Variants in PSPC1 observed in about 807,000 individuals in gnomAD.
PSPC1 encodes the protein paraspeckle protein 1.
Under a neutral mutation model 51.6 loss-of-function variants are expected in PSPC1, and 14 were observed. The observed-to-expected ratio is 0.27, with a 90% CI of 0.18 to 0.42. PSPC1 has a LOEUF of 0.42. Ranked by LOEUF, PSPC1 falls within the 10% of genes least tolerant of loss-of-function variation. The pLI is 1.00. For synonymous variants in PSPC1, 193 were observed against 231.9 expected (o/e 0.83, Z 1.53); for missense variants, 406 against 701.1 (o/e 0.58, Z 4.75).
At chr13:19,758,439 G>A (rs186650657) in intron 3 of PSPC1, among the ~76,000 whole-genome samples, 6 of 152,026 alleles carry the variant, frequency 3.9e-5, no homozygotes, top group East Asian at 1.9e-4. Context: ...GAGTTTTTCC[G>A]CTGTGCCAGG....
At chr13:19,767,391 ATTT>A (rs1158137567) in intron 2 of PSPC1, among the ~76,000 whole-genome samples, 2 of 152,096 alleles carry the variant, frequency 1.3e-5, no homozygotes, top group Non-Finnish European at 2.9e-5. Context: ...AGGAAACAAA[ATTT>A]TTTAAATTTT....
At chr13:19,680,123 T>A (rs1023640268) in intron 6 of PSPC1, among the ~76,000 whole-genome samples, 4 of 152,142 alleles carry the variant, frequency 2.6e-5, no homozygotes, top group Admixed American at 2.0e-4. Flanking sequence ...CAAATGATCC[T>A]CCTGCCTCAG....
rs536868311 is a variant in PSPC1 at position 19,759,241 on chromosome 13, C to T, written c.770+82G>A. The T allele has an allele frequency of 2.1e-5, 22 of 1,051,692 alleles. No individual in the cohort carries two copies. In the African/African-American group the frequency reaches 3.2e-4, roughly 15 times the overall value. 65.1% of individuals were successfully genotyped at this position (1,051,692 alleles called of 1,614,324 possible). ...CCAGATTATATAAATAAACAGAACACCTCATAATCCAATATTTGAAAACAA... is the reference window on the plus strand; with the variant it reads ...CCAGATTATATAAATAAACAGAACATCTCATAATCCAATATTTGAAAACAA... On this transcript the variant is annotated intron_variant, in intron 3 of 8. Transcript: ENST00000338910.
chr13:19,692,213 T>C (rs1878654714), intron 6 of PSPC1, among the ~76,000 whole-genome samples: 1 of 152,094 alleles, frequency 6.6e-6, no homozygotes, highest in African/African-American at 2.4e-5. Context: ...AACCTCCGCC[T>C]CCCAGGTTCA....
At chr13:19,713,228 G>T (rs1442191752) in intron 6 of PSPC1, among the ~76,000 whole-genome samples, 1 of 152,044 alleles carries the variant, frequency 6.6e-6, no homozygotes, top group Non-Finnish European at 1.5e-5. Context: ...AAAAAATTAA[G>T]AGTTGTTGTT....
Position 19,780,745 on chromosome 13 carries a change from T to C in PSPC1, c.372+1641A>G, listed in dbSNP as rs370225918. On this transcript the variant is annotated intron_variant, in intron 1 of 8. Transcript: ENST00000338910. ...CACTTGTTTATCTGCTGACCTTCCC[T>C]CCACTATTGTCCCATGACCCTGCCA... Among the ~76,000 whole-genome samples, 5 of 149,486 alleles carry C rather than the reference T, an allele frequency of 3.3e-5. No homozygotes were observed. The East Asian group carries it at 1.0e-3, about 30-fold the overall frequency.
At chr13:19,679,098 A>AT (rs1418890675) in intron 6 of PSPC1, 2 of 152,222 alleles carry the variant, frequency 1.3e-5, no homozygotes, top group Admixed American at 1.3e-4. Flanking sequence ...TGAACAAAAA[A>AT]TTATTTTTTA....
intron 4 of PSPC1, among the ~76,000 whole-genome samples, chr13:19,748,563 T>C (rs1172628121): frequency 1.3e-5 from 2 of 152,222 alleles, no homozygotes; most frequent in African/African-American, 4.8e-5. Context: ...AAAACTGAAG[T>C]CTAAGGAAAT....
chr13:19,714,512 T>TC (rs1307451409), intron 6 of PSPC1, among the ~76,000 whole-genome samples: 1 of 147,018 alleles, frequency 6.8e-6, no homozygotes, highest in Admixed American at 6.9e-5. Flanking sequence ...TTTTTTTTTT[T>TC]CCTTTGTCAG....
intron 6 of PSPC1, among the ~76,000 whole-genome samples, chr13:19,686,528 C>G (rs551914259): frequency 2.8e-4 from 42 of 152,212 alleles, no homozygotes; most frequent in African/African-American, 9.9e-4. Flanking sequence ...GAAGGATACA[C>G]CAGAAATTAG....
intron 5 of PSPC1, among the ~76,000 whole-genome samples, chr13:19,740,292 G>A (rs937192101): frequency 6.6e-6 from 1 of 151,116 alleles, no homozygotes; most frequent in African/African-American, 2.4e-5. Flanking sequence ...GCTGTGAGCC[G>A]AGATCGCGCC....
intron 4 of PSPC1, among the ~76,000 whole-genome samples, chr13:19,749,662 T>A (rs1361480174): frequency 7.4e-6 from 1 of 136,024 alleles, no homozygotes; most frequent in African/African-American, 2.7e-5. Context: ...TGAAATGGAG[T>A]CTCGCTCTGT....
At chr13:19,680,789 A>G (rs2137586280) in intron 6 of PSPC1, among the ~76,000 whole-genome samples, 1 of 152,350 alleles carries the variant, frequency 6.6e-6, no homozygotes, top group African/African-American at 2.4e-5. Flanking sequence ...TCCTCATGCC[A>G]AAACATTTAA....
At chr13:19,716,095 A>C (rs538978391) in intron 6 of PSPC1, among the ~76,000 whole-genome samples, 3 of 152,250 alleles carry the variant, frequency 2.0e-5, no homozygotes, top group African/African-American at 7.2e-5. Flanking sequence ...TATATGAAAC[A>C]TAAGTGAATT....
chr13:19,678,648 T>C (rs146329926), intron 6 of PSPC1: 3 of 152,312 alleles, frequency 2.0e-5, no homozygotes, highest in East Asian at 1.9e-4. Context: ...GAAATATGTA[T>C]GCAGAAACTG....
downstream of PSPC1, chr13:19,702,403 G>T (rs576547685): frequency 6.6e-6 from 1 of 152,070 alleles, no homozygotes; most frequent in East Asian, 1.9e-4. Flanking sequence ...GATAATAATC[G>T]GGTAAGGTCT....
At chr13:19,732,183 ATT>A (rs1884198002) in intron 5 of PSPC1, among the ~76,000 whole-genome samples, 1 of 152,198 alleles carries the variant, frequency 6.6e-6, no homozygotes, top group Admixed American at 6.5e-5. Flanking sequence ...AATCTGGACT[ATT>A]TTAAGATTGT....
At chr13:19,776,157 T>G (rs1889100008) in intron 1 of PSPC1, among the ~76,000 whole-genome samples, 1 of 152,104 alleles carries the variant, frequency 6.6e-6, no homozygotes, top group African/African-American at 2.4e-5. Flanking sequence ...ACATATACAT[T>G]TGTCAAAATT....
In PSPC1 at chr13:19,713,170, C is replaced by T. The variant is rs149761027; in HGVS notation, c.1159-3571G>A. 2.6e-3 allele frequency among the ~76,000 whole-genome samples: 388 copies of T among 152,138 alleles called. 1 individual carries two copies. Among genetic ancestry groups the T allele is most frequent in the African/African-American group, 8.7e-3 (360 of 41,512 alleles). ...ATTAGAATTTAAGTTAGAACCAGTG[C>T]GTATACGTGATATTTTTACAAATTT... On this transcript the variant is annotated intron_variant, in intron 6 of 8. Coordinates refer to ENST00000338910, the MANE Select transcript of PSPC1 (RefSeq NM_001354909.2).
Sources: gnomAD v4.1 joint callset for allele counts (sites outside exome capture counted in the v4.1 genomes callset) on GRCh38, gnomAD v4.1.1 for gene constraint, MANE v1.5 for transcripts, NCBI Gene and HGNC (gene_info 2026-07-23, HGNC 2026-07-21) for gene names.